The following SLC24A2 variants were observed in gnomAD, a reference collection of about 807,000 sequenced individuals.
SLC24A2 encodes solute carrier family 24 member 2.
Under a neutral mutation model 62.0 loss-of-function variants are expected in SLC24A2, and 36 were observed. The observed-to-expected ratio is 0.58, with a 90% CI of 0.44 to 0.77. The LOEUF (loss-of-function observed/expected upper bound fraction) is 0.77. SLC24A2 is among the 30% of genes least tolerant of loss of function. SLC24A2 has a pLI of 0.00. For synonymous variants in SLC24A2, 358 were observed against 294.0 expected (o/e 1.22, Z -2.23); for missense variants, 846 against 817.9 (o/e 1.03, Z -0.42).
chr9:20,146,133 T>C, the SLC24A2 span, among the ~76,000 whole-genome samples: 1 of 152,210 alleles, frequency 6.6e-6, no homozygotes, highest in Non-Finnish European at 1.5e-5. Context: ...TTTGTGTTAC[T>C]ATTTCTAAAA....
chr9:19,988,049 T>C, the SLC24A2 span, among the ~76,000 whole-genome samples: 1 of 152,198 alleles, frequency 6.6e-6, no homozygotes, highest in African/African-American at 2.4e-5. Flanking sequence ...GTGGAAATAG[T>C]TCCTTATTCA....
At chr9:19,789,933 G>C (rs1052716244), upstream of SLC24A2, among the ~76,000 whole-genome samples, 33 of 152,144 alleles carry the variant, frequency 2.2e-4, no homozygotes, top group South Asian at 4.6e-3. Flanking sequence ...CCTTACAATG[G>C]GGGTAATGGG....
intron 2 of SLC24A2, among the ~76,000 whole-genome samples, chr9:19,702,179 T>C (rs1281317914): frequency 6.6e-6 from 1 of 152,244 alleles, no homozygotes; most frequent in Non-Finnish European, 1.5e-5. Flanking sequence ...GCACTAATCA[T>C]GATGATTTGA....
chr9:19,940,962 T>A, the SLC24A2 span, among the ~76,000 whole-genome samples: 1 of 152,340 alleles, frequency 6.6e-6, no homozygotes, highest in Non-Finnish European at 1.5e-5. Context: ...ATATATTATG[T>A]GGGCAGAAGA....
the SLC24A2 span, among the ~76,000 whole-genome samples, chr9:20,062,387 G>A: frequency 1.1e-5 from 1 of 88,518 alleles, no homozygotes; most frequent in Non-Finnish European, 2.0e-5. Flanking sequence ...AACAAGCAAT[G>A]GGGAAAGGAT....
At chr9:19,941,556 AGTGTGT>A in the SLC24A2 span, among the ~76,000 whole-genome samples, 912 of 134,152 alleles carry the variant, frequency 6.8e-3, 13 homozygotes, top group African/African-American at 0.023. Context: ...GAGGACTGGG[AGTGTGT>A]GTGTGTGTGT....
chr9:19,869,628 A>T, the SLC24A2 span, among the ~76,000 whole-genome samples: 1 of 152,110 alleles, frequency 6.6e-6, no homozygotes. Flanking sequence ...ATTTATGATA[A>T]TCTATTTCAG....
the SLC24A2 span, among the ~76,000 whole-genome samples, chr9:20,014,787 G>C: frequency 6.6e-6 from 1 of 152,070 alleles, no homozygotes; most frequent in Non-Finnish European, 1.5e-5. Context: ...GTTTCAGATA[G>C]ACAGAAGGAA....
At chr9:20,277,633 T>C in the SLC24A2 span, among the ~76,000 whole-genome samples, 1 of 152,188 alleles carries the variant, frequency 6.6e-6, no homozygotes, top group Non-Finnish European at 1.5e-5. Flanking sequence ...TTTTACACTA[T>C]TGGTGGGACT....
chr9:19,587,156 T>C (rs1174597011), intron 5 of SLC24A2, among the ~76,000 whole-genome samples: 1 of 152,226 alleles, frequency 6.6e-6, no homozygotes, highest in African/African-American at 2.4e-5. Context: ...AGCTTTGATC[T>C]GATTTACCGT....
chr9:19,685,968 C>T (rs912888630), intron 2 of SLC24A2, among the ~76,000 whole-genome samples: 13 of 152,216 alleles, frequency 8.5e-5, no homozygotes, highest in African/African-American at 2.9e-4. Context: ...ACACTATCAA[C>T]AGAGTAAACA....
chr9:19,583,218 C>T (rs1181483911), intron 5 of SLC24A2, among the ~76,000 whole-genome samples: 3 of 152,274 alleles, frequency 2.0e-5, no homozygotes, highest in Non-Finnish European at 2.9e-5. Flanking sequence ...TTCTTGAAAA[C>T]GCTGTGCACA....
chr9:19,850,231 A>G, the SLC24A2 span, among the ~76,000 whole-genome samples: 1 of 152,142 alleles, frequency 6.6e-6, no homozygotes, highest in East Asian at 1.9e-4. Flanking sequence ...AGCATACAGT[A>G]TTATTCAATG....
chr9:20,268,679 G>GTCT, the SLC24A2 span, among the ~76,000 whole-genome samples: 1 of 152,206 alleles, frequency 6.6e-6, no homozygotes, highest in African/African-American at 2.4e-5. Flanking sequence ...CCCAGTTTTA[G>GTCT]GTATTCTGTT....
chr9:19,775,645 G>A (rs73646165), intron 2 of SLC24A2, among the ~76,000 whole-genome samples: 3,774 of 144,932 alleles, frequency 0.026, 170 homozygotes, highest in African/African-American at 0.087. Flanking sequence ...TCATGGCTCT[G>A]AAATGCTAAA....
the SLC24A2 span, among the ~76,000 whole-genome samples, chr9:19,931,198 T>C: frequency 4.6e-5 from 7 of 152,110 alleles, no homozygotes; most frequent in Admixed American, 4.6e-4. Flanking sequence ...AGTAAGACAA[T>C]CAAAAGGTGT....
intron 2 of SLC24A2, among the ~76,000 whole-genome samples, chr9:19,645,600 T>A (rs1472405181): frequency 2.0e-5 from 3 of 152,142 alleles, no homozygotes; most frequent in Non-Finnish European, 4.4e-5. Flanking sequence ...GGGTGAGCAC[T>A]TTCCAGGTGA....
At chr9:20,207,775 C>A in the SLC24A2 span, among the ~76,000 whole-genome samples, 7 of 152,218 alleles carry the variant, frequency 4.6e-5, no homozygotes, top group Non-Finnish European at 8.8e-5. Context: ...TTAGCCACTA[C>A]AATGGGCACT....
intron 2 of SLC24A2, among the ~76,000 whole-genome samples, chr9:19,675,903 C>T (rs1186182326): frequency 1.3e-5 from 2 of 152,152 alleles, no homozygotes; most frequent in Non-Finnish European, 2.9e-5. Flanking sequence ...AAAATTGTTA[C>T]AAAGTTCAGC....
Sources: allele counts gnomAD v4.1 joint callset (sites outside exome capture counted in the v4.1 genomes callset), GRCh38; gene constraint gnomAD v4.1.1; transcripts MANE v1.5; gene names NCBI Gene and HGNC (gene_info 2026-07-23, HGNC 2026-07-21).